The following GBP7 variants were observed in gnomAD, a reference collection of about 807,000 sequenced individuals.
GBP7 encodes the protein guanylate-binding protein 7.
Under a neutral mutation model 61.3 loss-of-function variants are expected in GBP7, and 43 were observed. The observed-to-expected ratio is 0.70, with a 90% CI of 0.55 to 0.91. GBP7 has a LOEUF of 0.91. GBP7 is among the 40% of genes least tolerant of loss of function. The pLI, the probability that GBP7 is intolerant of heterozygous loss-of-function variation, is 0.00. For missense variants in GBP7, 717 were observed against 740.5 expected (o/e 0.97, Z 0.37); for synonymous variants, 267 against 271.0 (o/e 0.99, Z 0.14).
At chr1:89,142,363 C>T (rs144865891) in intron 8 of GBP7, among the ~76,000 whole-genome samples, 1 of 152,286 alleles carries the variant, frequency 6.6e-6, no homozygotes, top group East Asian at 1.9e-4. Context: ...GCTGCTGCCT[C>T]AGCCTCCTGC....
intron 6 of GBP7, 34 bp downstream of exon 6, chr1:89,150,296 C>T (rs586609): frequency 0.67 from 1,069,815 of 1,588,706 alleles, 361,910 homozygotes; most frequent in East Asian, 0.78. Context: ...TACAGTAGGC[C>T]TCAGTAAACA....
intron 9 of GBP7, among the ~76,000 whole-genome samples, chr1:89,134,639 A>G (rs1401681413): frequency 6.6e-6 from 1 of 150,920 alleles, no homozygotes; most frequent in African/African-American, 2.4e-5. Context: ...GATGAACCCA[A>G]CTTATACCAG....
intron 1 of GBP7, among the ~76,000 whole-genome samples, chr1:89,172,276 A>G (rs1647626008): frequency 6.6e-6 from 1 of 152,060 alleles, no homozygotes; most frequent in Non-Finnish European, 1.5e-5. Flanking sequence ...ATACAATGAT[A>G]ACTAATCTAC....
chr1:89,167,460 T>A (rs1420019327), intron 2 of GBP7, among the ~76,000 whole-genome samples: 1 of 151,988 alleles, frequency 6.6e-6, no homozygotes, highest in African/African-American at 2.4e-5. Context: ...AACTTCTGCA[T>A]GCCTGGTTTA....
At chr1:89,162,042 CT>C (rs58355264) in intron 3 of GBP7, among the ~76,000 whole-genome samples, 118 of 144,008 alleles carry the variant, frequency 8.2e-4, no homozygotes, top group African/African-American at 2.0e-3. Context: ...TTCCCCATTG[CT>C]TTTTTTTTTT....
chr1:89,172,677 A>G (rs1647637946), intron 1 of GBP7, among the ~76,000 whole-genome samples: 1 of 152,126 alleles, frequency 6.6e-6, no homozygotes, highest in Admixed American at 6.5e-5. Context: ...TCGCCACCTT[A>G]AAGAGTTATG....
chr1:89,133,178 T>C, intron 10 of GBP7, 80 bp downstream of exon 10: 1 of 996,408 alleles, frequency 1.0e-6, no homozygotes, highest in Non-Finnish European at 1.5e-6. Flanking sequence ...AAATCTTGAC[T>C]GAGCTTAAAA....
chr1:89,156,878 C>T (rs1682329122), intron 3 of GBP7, among the ~76,000 whole-genome samples: 1 of 152,176 alleles, frequency 6.6e-6, no homozygotes, highest in South Asian at 2.1e-4. Context: ...CAGAGCTCTC[C>T]ACCCCAAATC....
At chr1:89,134,221 G>C (rs958408437) in intron 9 of GBP7, among the ~76,000 whole-genome samples, 6 of 152,180 alleles carry the variant, frequency 3.9e-5, no homozygotes, top group Admixed American at 3.9e-4. Context: ...TGCACTCAAT[G>C]CACCCTCTCC....
intron 2 of GBP7, among the ~76,000 whole-genome samples, chr1:89,168,291 A>G (rs953642188): frequency 1.3e-5 from 2 of 152,210 alleles, no homozygotes; most frequent in Non-Finnish European, 2.9e-5. Flanking sequence ...TCTCCAGTCA[A>G]CTAGGTCTGC....
At chr1:89,166,936 G>C (rs574006294) in intron 2 of GBP7, among the ~76,000 whole-genome samples, 1 of 152,314 alleles carries the variant, frequency 6.6e-6, no homozygotes, top group East Asian at 1.9e-4. Context: ...TTTTGTTTCA[G>C]AACACCCTGC....
chr1:89,166,310 G>A (rs1647439960), intron 2 of GBP7, among the ~76,000 whole-genome samples: 1 of 152,060 alleles, frequency 6.6e-6, no homozygotes. Flanking sequence ...AGGAGATTCT[G>A]ACATGGGAAG....
At chr1:89,139,260 G>T (rs1385689764) in intron 9 of GBP7, among the ~76,000 whole-genome samples, 2 of 152,258 alleles carry the variant, frequency 1.3e-5, no homozygotes, top group East Asian at 3.9e-4. Flanking sequence ...AGCTGAAACT[G>T]GATCCCTTCC....
At chr1:89,134,117 C>A (rs571278427) in intron 9 of GBP7, among the ~76,000 whole-genome samples, 2 of 152,320 alleles carry the variant, frequency 1.3e-5, no homozygotes, top group Non-Finnish European at 2.9e-5. Context: ...AGATGCCTAA[C>A]TGAAGCACTT....
chr1:89,140,088 T>C (rs1301318816), intron 9 of GBP7, among the ~76,000 whole-genome samples: 6 of 151,976 alleles, frequency 3.9e-5, no homozygotes, highest in African/African-American at 1.4e-4. Flanking sequence ...GTGGCACATA[T>C]ACACCATGGA....
chr1:89,134,645 A>C (rs531506913), intron 9 of GBP7, among the ~76,000 whole-genome samples: 1 of 151,918 alleles, frequency 6.6e-6, no homozygotes, highest in African/African-American at 2.4e-5. Flanking sequence ...CCCAACTTAT[A>C]CCAGTTGAAT....
At chr1:89,170,131 GA>G (rs552456583) in intron 2 of GBP7, among the ~76,000 whole-genome samples, 42 of 152,266 alleles carry the variant, frequency 2.8e-4, no homozygotes, top group African/African-American at 1.0e-3. Context: ...ACCAAGTTAT[GA>G]GATGCTAAAT....
intron 1 of GBP7, among the ~76,000 whole-genome samples, chr1:89,172,766 T>G (rs1313653654): frequency 1.3e-5 from 2 of 151,886 alleles, no homozygotes. Flanking sequence ...CATACTTTTT[T>G]TTTTTTCAGC....
intron 2 of GBP7, among the ~76,000 whole-genome samples, chr1:89,171,332 A>G (rs1405091305): frequency 5.3e-5 from 8 of 152,174 alleles, no homozygotes; most frequent in Non-Finnish European, 1.5e-5. Context: ...CTGACACTGG[A>G]CAACAGTCTC....
Sources: gnomAD v4.1 joint callset for allele counts (sites outside exome capture counted in the v4.1 genomes callset) on GRCh38, gnomAD v4.1.1 for gene constraint, MANE v1.5 for transcripts, NCBI Gene and HGNC (gene_info 2026-07-23, HGNC 2026-07-21) for gene names.